Variants in TTN observed in about 807,000 individuals in gnomAD.
The protein encoded by TTN is connectin.
Under a neutral mutation model 3,223.0 loss-of-function variants are expected in TTN, and 1,525 were observed. The ratio of observed to expected loss-of-function variants is 0.47; its 90% CI spans 0.45 to 0.49. The LOEUF (loss-of-function observed/expected upper bound fraction) is 0.49. TTN is among the 20% of genes least tolerant of loss of function. The pLI is 0.00. For synonymous variants in TTN, 14,094 were observed against 15,161.0 expected, an observed-to-expected ratio of 0.93 and a Z score of 5.17; for missense variants, 40,786 against 43,424.0, an observed-to-expected ratio of 0.94 and a Z score of 5.40.
At position 178,534,671 on chromosome 2, in the gene TTN, A is replaced by C. The variant is rs1289613235; in HGVS notation, c.101944T>G (p.Tyr33982Asp). The C allele has an allele frequency of 6.2e-7, 1 of 1,613,812 alleles. No individual in the cohort carries two copies. Among genetic ancestry groups the C allele is most frequent in the Middle Eastern group, 1.7e-4 (1 of 6,060 alleles). The part of the protein sequence containing the change: ...FRLLFTAPEY[Y>D]APEVHQHDVV... ...TCATGCTGGTGGACTTCAGGTGCAT[A>C]GTATTCTGGGGCAGTGAATAGAAGC... Residue 33982 changes from tyrosine to aspartate, a missense_variant, in exon 358 of 363, where the codon TAT becomes GAT. Coordinates refer to ENST00000589042, the MANE Select transcript of TTN (RefSeq NM_001267550.2).
rs1446126595 is a variant in TTN at position 178,727,448 on chromosome 2, A to G, written c.19994-77T>C. The G allele has an allele frequency of 3.3e-6, 5 of 1,505,232 alleles. No homozygotes were observed. In the East Asian group the frequency reaches 1.1e-4, roughly 34 times the overall value. The allele number at this position is 1,505,232 out of a possible 1,614,324, so 93.2% of individuals were successfully genotyped here. On this transcript the variant is annotated intron_variant, in intron 68 of 362. Transcript: ENST00000589042. The stretch of plus-strand genomic sequence containing the variant: ...AGTTAAATTAGATAGTATACAGGCA[A>G]GAGAAAAACATGAGCAAATACTGTT...
Position 178,776,096 on chromosome 2 carries a change from T to C in TTN, c.5768A>G (p.His1923Arg). 2 of 1,614,184 alleles carry C rather than the reference T, an allele frequency of 1.2e-6. No individual in the cohort carries two copies. Among genetic ancestry groups the C allele is most frequent in the South Asian group, 2.2e-5 (2 of 91,082 alleles). Residue 1923 changes from histidine to arginine, a missense_variant, in exon 28 of 363, where the codon CAT becomes CGT. By Grantham distance (29) the His-to-Arg change is conservative. Transcript: ENST00000589042. ...TAENPEGVIE[H>R]KVKLEIQQRE... ...CTGTTGAATCTCAAGCTTCACTTTA[T>C]GCTCTATCACACCTTCAGGATTTTC...
chr2:178,609,852 C>T lies in TTN; in HGVS notation c.51571G>A (p.Glu17191Lys). The part of the protein sequence containing the change: ...GYIIEKIAKG[E>K]ERWKRCNEHL... ...TCATTGCATCTCTTCCACCTTTCTT[C>T]ACCCTTAGCAATCTTCTCTATGATG... The change falls in exon 272 of 363, where the codon GAA becomes AAA. Residue 17191 changes from glutamate (E) to lysine (K), a missense_variant. By Grantham distance (56) the Glu-to-Lys change is moderately conservative. Coordinates refer to ENST00000589042, the MANE Select transcript of TTN (RefSeq NM_001267550.2). 2 of 1,613,002 alleles carry T rather than the reference C, an allele frequency of 1.2e-6. No homozygotes were observed. Among genetic ancestry groups the T allele is most frequent in the African/African-American group, 2.7e-5 (2 of 74,928 alleles).
At chr2:178,629,244 GA>G in intron 240 of TTN, 56 bp downstream of exon 240, 1 of 1,588,656 alleles carries the variant, frequency 6.3e-7, no homozygotes, top group Non-Finnish European at 8.6e-7. Context: ...ACATACAAGT[GA>G]AGGTGGAAGA....
At chr2:178,644,010 C>G (rs948072589) in intron 218 of TTN, among the ~76,000 whole-genome samples, 2 of 151,750 alleles carry the variant, frequency 1.3e-5, no homozygotes, top group Admixed American at 1.3e-4. Context: ...GAAAAATTAC[C>G]TACAGTAATA....
Position 178,548,055 on chromosome 2 carries a change from C to A in TTN, c.93571G>T (p.Asp31191Tyr). 6.2e-7 allele frequency: 1 copy of A among 1,613,858 alleles called. No individual in the cohort carries two copies. The highest frequency in any genetic ancestry group is 8.5e-7 in the Non-Finnish European group (1 of 1,179,828). ...TCTCTGGGTTCACTATAGCCAGCAT[C>A]ATTCTTGGCCTTCACACGGAATTCA... ...EYEFRVKAKN[D>Y]AGYSEPREAF... Residue 31191 changes from aspartate to tyrosine, a missense_variant, in exon 339 of 363, where the codon GAT becomes TAT. Coordinates refer to ENST00000589042, the MANE Select transcript of TTN (RefSeq NM_001267550.2). This position sits in a 1 kb window ranked among gnomAD's most constrained non-coding sequence, Gnocchi z 4.3.
Position 178,739,817 on chromosome 2 carries a change from T to G in TTN, c.13416A>C (p.Glu4472Asp). 2 of 1,613,910 alleles carry G rather than the reference T, an allele frequency of 1.2e-6. No individual in the cohort carries two copies. The highest frequency in any genetic ancestry group is 1.7e-6 in the Non-Finnish European group (2 of 1,179,836). Residue 4472 changes from glutamate to aspartate, a missense_variant, in exon 48 of 363, where the codon GAA becomes GAC. Coordinates refer to ENST00000589042, the MANE Select transcript of TTN (RefSeq NM_001267550.2). ...TAATAGCACACAAAGCATCCCTAAG[T>G]TCCATTTTCAGGTTAGCCATTTGAG... is the stretch of plus-strand genomic sequence containing the variant. Reference protein sequence around the residue: ...VDPQMANLKMELRDALCAIIY... With the variant: ...VDPQMANLKMDLRDALCAIIY...
rs113021611 is a variant in TTN at position 178,766,603 on chromosome 2, T to C, written c.9481A>G (p.Lys3161Glu). Reference protein sequence around the residue: ...SIKKEVQVIEKQRAVVEFEVN... With the variant: ...SIKKEVQVIEEQRAVVEFEVN... ...TCAAATTCAACAACAGCACGCTGTT[T>C]CTCAATGACCTGTTGATGGAACAAC... The change falls in exon 41 of 363, where the codon AAA (lysine) becomes GAA (glutamate). Residue 3161 changes from lysine to glutamate, a missense_variant. Physicochemically the swap from Lys to Glu is moderately conservative, Grantham distance 56 (BLOSUM62 1). Transcript: ENST00000589042. 2 of 1,612,558 alleles carry C rather than the reference T, an allele frequency of 1.2e-6. No individual in the cohort carries two copies. The highest frequency in any genetic ancestry group is 1.7e-6 in the Non-Finnish European group (2 of 1,178,782).
chr2:178,742,320 T>G (rs989682968), intron 47 of TTN, among the ~76,000 whole-genome samples: 1 of 152,148 alleles, frequency 6.6e-6, no homozygotes, highest in Non-Finnish European at 1.5e-5. Flanking sequence ...AGAGTTTTCT[T>G]GAGGTTAAGA....
Position 178,579,667 on chromosome 2 carries a change from T to G in TTN, c.67530A>C (p.Ala22510=). 1.2e-6 allele frequency: 2 copies of G among 1,613,376 alleles called. No homozygotes were observed. Among genetic ancestry groups the G allele is most frequent in the Non-Finnish European group, 1.7e-6 (2 of 1,179,522 alleles). The change falls in exon 319 of 363, where the codon GCA becomes GCC. Residue 22510 remains alanine (A), a synonymous_variant. Transcript: ENST00000589042. ...VMKSLSLQYS[A]KDLTEGKEYT... is the part of the protein sequence containing the mutation. ...ATTCCTTCCCTTCAGTCAAATCTTT[T>G]GCAGAGTACTGTAGGCTTAAGGATT...
In TTN at chr2:178,543,653, C is replaced by T. The variant is rs747019187; in HGVS notation, c.96320G>A (p.Gly32107Asp). Residue 32107 changes from glycine (G) to aspartate (D), a missense_variant, in exon 347 of 363, where the codon GGT (glycine) becomes GAT (aspartate). Gly to Asp is a moderately conservative substitution (Grantham distance 94). Transcript: ENST00000589042. Reference sequence around the variant, plus strand: ...CTTAACTTTCACTGAAGGACAGGGACCAGGAGTATCTGAAAAACAGAATGA... The same window carrying T: ...CTTAACTTTCACTGAAGGACAGGGATCAGGAGTATCTGAAAAACAGAATGA... ...TVLVKVYDTP[G>D]PCPSVKVKEV... is the part of the protein sequence containing the mutation. 2 of 1,582,282 alleles carry T rather than the reference C, an allele frequency of 1.3e-6. No homozygotes were observed. The highest frequency in any genetic ancestry group is 1.7e-6 in the Non-Finnish European group (2 of 1,169,090).
chr2:178,651,302 T>C lies in TTN; in HGVS notation c.39566A>G (p.Glu13189Gly). 2 of 1,613,136 alleles carry C rather than the reference T, an allele frequency of 1.2e-6. No homozygotes were observed. The highest frequency in any genetic ancestry group is 1.7e-6 in the Non-Finnish European group (2 of 1,179,408). ...AGCTACTTTCTTTTCTGGAACAACTTCTTTTGGAACTTCAGGCACTTCAAA... is the reference window on the plus strand; with the variant it reads ...AGCTACTTTCTTTTCTGGAACAACTCCTTTTGGAACTTCAGGCACTTCAAA... Reference protein sequence around the residue: ...PPAKVPEVPKEVVPEKKVAVP... With the variant: ...PPAKVPEVPKGVVPEKKVAVP... The change falls in exon 208 of 363, where the codon GAA (glutamate) becomes GGA (glycine). Residue 13189 changes from glutamate (E) to glycine (G), a missense_variant. Glu to Gly is a moderately conservative substitution (Grantham distance 98, BLOSUM62 -2). Transcript: ENST00000589042.
At position 178,740,224 on chromosome 2, in the gene TTN, TTTC is replaced by T. The variant is rs1481572021; in HGVS notation, c.13006_13008del (p.Glu4336del). The T allele has an allele frequency of 4.3e-6, 7 of 1,613,604 alleles. No homozygotes were observed. The Admixed American group carries it at 5.0e-5, about 12-fold the overall frequency. Reference sequence around the variant, plus strand: ...TGCTCTTCTTTGAGCAGTACCTGCTTTTCTTCAAGTGCTAGTGGAAATCTTAAG... The same window carrying T: ...TGCTCTTCTTTGAGCAGTACCTGCTTTTCAAGTGCTAGTGGAAATCTTAAG... On this transcript the variant is annotated inframe_deletion, in exon 48 of 363. Coordinates refer to ENST00000589042, the MANE Select transcript of TTN (RefSeq NM_001267550.2).
chr2:178,736,053 A>G lies in TTN; in HGVS notation c.14393T>C (p.Leu4798Pro). 6.3e-7 allele frequency: 1 copy of G among 1,591,672 alleles called. No individual in the cohort carries two copies. ...TVTEAYPPTF[L>P]SRPKSLTTFV... ...AGTTGTAAGGGACTTAGGTCTGGAGAGAAAGGTTGGTGGATATGCCTCTGC... is the reference window on the plus strand; with the variant it reads ...AGTTGTAAGGGACTTAGGTCTGGAGGGAAAGGTTGGTGGATATGCCTCTGC... The change falls in exon 50 of 363, where the codon CTC becomes CCC. Residue 4798 changes from leucine (L) to proline (P), a missense_variant. Coordinates refer to ENST00000589042, the MANE Select transcript of TTN (RefSeq NM_001267550.2).
Position 178,734,246 on chromosome 2 carries a change from G to A in TTN, c.15496+82C>T, listed in dbSNP as rs565680118. On this transcript the variant is annotated intron_variant, in intron 52 of 362. Coordinates refer to ENST00000589042, the MANE Select transcript of TTN (RefSeq NM_001267550.2). Reference sequence around the variant, plus strand: ...AAATTTAAAGGATAGGACAAGAGAAGAAAGTACCAGTTTTTCTTCCATGGG... The same window carrying A: ...AAATTTAAAGGATAGGACAAGAGAAAAAAGTACCAGTTTTTCTTCCATGGG... 9.6e-6 allele frequency: 14 copies of A among 1,453,320 alleles called. No homozygotes were observed. The Admixed American group carries it at 1.2e-4, about 12-fold the overall frequency. 90.0% of individuals were successfully genotyped at this position (1,453,320 alleles called of 1,614,324 possible). A position where few individuals can be genotyped will look rare whatever the true frequency, so the allele number is the denominator to read the frequency against.
chr2:178,583,107 T>C lies in TTN; in HGVS notation c.65696A>G (p.Lys21899Arg). ...GKPMPTVSWK[K>R]DGTLLKPAEG... is the part of the protein sequence containing the mutation. Reference sequence around the variant, plus strand: ...TGCTGGTTTTAGCAGTGTGCCATCTTTTTTCCAAGAAACTGTTGGCATCGG... The same window carrying C: ...TGCTGGTTTTAGCAGTGTGCCATCTCTTTTCCAAGAAACTGTTGGCATCGG... The change falls in exon 313 of 363, where the codon AAA (lysine) becomes AGA (arginine). Residue 21899 changes from lysine to arginine, a missense_variant. Transcript: ENST00000589042. The C allele has an allele frequency of 6.2e-7, 1 of 1,611,714 alleles. No individual in the cohort carries two copies. Among genetic ancestry groups the C allele is most frequent in the Non-Finnish European group, 8.5e-7 (1 of 1,178,770 alleles).
rs2154346206 is a variant in TTN at position 178,776,548 on chromosome 2, A to G, written c.5316T>C (p.Ser1772=). ...LDYGVAYSRD[S]GIITCRATNK... ...TAGTGGCTCTGCAAGTAATGATACC[A>G]CTGTCTCTAGAATATGCAACGCCAT... The change falls in exon 28 of 363, where the codon AGT becomes AGC. Residue 1772 remains serine, a synonymous_variant. Transcript: ENST00000589042. 3 of 1,612,000 alleles carry G rather than the reference A, an allele frequency of 1.9e-6. No individual in the cohort carries two copies. Among genetic ancestry groups the G allele is most frequent in the South Asian group, 1.1e-5 (1 of 91,074 alleles).
In TTN at chr2:178,542,800, G is replaced by T; in HGVS notation, c.97054C>A (p.Arg32352Ser). 6.2e-7 allele frequency: 1 copy of T among 1,613,738 alleles called. No individual in the cohort carries two copies. Residue 32352 changes from arginine (R) to serine (S), a missense_variant, in exon 348 of 363, where the codon CGT becomes AGT. Arg to Ser is a moderately radical substitution (Grantham distance 110, BLOSUM62 -1). Transcript: ENST00000589042. ...FAGSKLRESE[R>S]VTVETHTKVA... is the part of the protein sequence containing the mutation. ...TTAGTGTGAGTTTCAACTGTGACAC[G>T]CTCTGATTCTCTCAGTTTAGAACCA... is the stretch of plus-strand genomic sequence containing the variant.
Position 178,634,870 on chromosome 2 carries a change from T to C in TTN, c.42025-21A>G, listed in dbSNP as rs1041950677. 1 of 1,600,726 alleles carries C rather than the reference T, an allele frequency of 6.2e-7. No individual in the cohort carries two copies. Among genetic ancestry groups the C allele is most frequent in the African/African-American group, 1.4e-5 (1 of 73,988 alleles). Reference sequence around the variant, plus strand: ...CAAGTCTGAAAAACAATAGTTTTAGTAACCATTTGAAAGAGATAAATTCCC... The same window carrying C: ...CAAGTCTGAAAAACAATAGTTTTAGCAACCATTTGAAAGAGATAAATTCCC... On this transcript the variant is annotated intron_variant, in intron 228 of 362. Coordinates refer to ENST00000589042, the MANE Select transcript of TTN (RefSeq NM_001267550.2). The surrounding 1 kb of genome is among the most constrained non-coding windows in gnomAD (Gnocchi z 4.6).
Sources: allele counts gnomAD v4.1 joint callset (sites outside exome capture counted in the v4.1 genomes callset), GRCh38; gene constraint gnomAD v4.1.1; non-coding constraint Gnocchi (gnomAD v3.1); transcripts MANE v1.5; gene names NCBI Gene and HGNC (gene_info 2026-07-23, HGNC 2026-07-21).